Variants in ANLN observed in about 807,000 individuals in gnomAD.
ANLN encodes the protein anillin.
A neutral mutation model predicts 135.1 loss-of-function variants in ANLN; 59 were observed. The ratio of observed to expected loss-of-function variants is 0.44; its 90% CI spans 0.35 to 0.54. The LOEUF is 0.54. ANLN is among the 20% of genes least tolerant of loss of function. The pLI is 0.00. For synonymous variants in ANLN, 406 were observed against 456.4 expected, an observed-to-expected ratio of 0.89 and a Z score of 1.41; for missense variants, 1,182 against 1,340.0, an observed-to-expected ratio of 0.88 and a Z score of 1.84.
intron 10 of ANLN, among the ~76,000 whole-genome samples, chr7:36,419,692 C>T (rs1355164737): frequency 1.3e-5 from 2 of 152,124 alleles, no homozygotes; most frequent in African/African-American, 4.8e-5. Context: ...GCTTAAAAGG[C>T]CAGGCATTTG....
intron 20 of ANLN, among the ~76,000 whole-genome samples, chr7:36,433,023 C>G (rs1265792644): frequency 6.6e-6 from 1 of 152,082 alleles, no homozygotes; most frequent in Non-Finnish European, 1.5e-5. Context: ...GCTATGTTTT[C>G]CAGGCTGGCC....
At chr7:36,449,971 C>T (rs533828944) in intron 23 of ANLN, 134 bp downstream of exon 23, 7 of 719,166 alleles carry the variant, frequency 9.7e-6, no homozygotes, top group Non-Finnish European at 1.5e-5. Context: ...ACAAAACACA[C>T]ACAAAGCAGT....
At chr7:36,440,328 T>C (rs1023135181) in intron 21 of ANLN, among the ~76,000 whole-genome samples, 1 of 152,022 alleles carries the variant, frequency 6.6e-6, no homozygotes, top group African/African-American at 2.4e-5. Flanking sequence ...GAAGAGAACA[T>C]TGAAAGGAGG....
chr7:36,431,613 A>G (rs1451549584), intron 20 of ANLN, among the ~76,000 whole-genome samples: 27 of 37,686 alleles, frequency 7.2e-4, no homozygotes, highest in African/African-American at 1.8e-3. Context: ...ATATATATAT[A>G]TATAATATAT....
intron 20 of ANLN, among the ~76,000 whole-genome samples, chr7:36,429,189 GAATATAAT>G (rs1788212404): frequency 6.6e-6 from 1 of 151,850 alleles, no homozygotes; most frequent in South Asian, 2.1e-4. Context: ...AAATTATACT[GAATATAAT>G]AATATATTTT....
chr7:36,414,844 G>T (rs933785021), intron 7 of ANLN, among the ~76,000 whole-genome samples: 1 of 152,170 alleles, frequency 6.6e-6, no homozygotes, highest in Non-Finnish European at 1.5e-5. Flanking sequence ...TTGTATACTG[G>T]CTCTGCCAGT....
Position 36,389,971 on chromosome 7 carries a change from C to G in ANLN, c.-56C>G. 6.2e-7 allele frequency: 1 copy of G among 1,614,082 alleles called. No homozygotes were observed. Among genetic ancestry groups the G allele is most frequent in the South Asian group, 1.1e-5 (1 of 91,088 alleles). On this transcript the variant is annotated 5_prime_UTR_variant, in exon 1 of 24. Transcript: ENST00000265748. ...ACACACTGAGCTGAGACTCACTTTT[C>G]TCTTCCTGAATTTGAACCACCGTTT...
chr7:36,450,485 G>A (rs1017599938), intron 23 of ANLN, among the ~76,000 whole-genome samples: 2 of 152,136 alleles, frequency 1.3e-5, no homozygotes, highest in Non-Finnish European at 2.9e-5. Context: ...TATTGCAGAT[G>A]GGGGGAGATT....
chr7:36,421,041 T>G (rs997710611), intron 12 of ANLN, among the ~76,000 whole-genome samples: 1 of 152,118 alleles, frequency 6.6e-6, no homozygotes, highest in Non-Finnish European at 1.5e-5. Context: ...AAATTTGTTA[T>G]GCTCTTCAAG....
chr7:36,444,161 G>T (rs534777467), intron 22 of ANLN, among the ~76,000 whole-genome samples: 1 of 152,188 alleles, frequency 6.6e-6, no homozygotes, highest in South Asian at 2.1e-4. Context: ...GTGGTGGCAG[G>T]TGCCTGTAAT....
At chr7:36,445,685 AG>A (rs1408497316) in intron 22 of ANLN, among the ~76,000 whole-genome samples, 3 of 152,226 alleles carry the variant, frequency 2.0e-5, no homozygotes, top group Non-Finnish European at 4.4e-5. Context: ...GCCCACATGC[AG>A]GAAGATTTAG....
intron 22 of ANLN, chr7:36,448,925 T>G (rs1215236150): frequency 6.6e-6 from 1 of 152,226 alleles, no homozygotes; most frequent in Non-Finnish European, 1.5e-5. Context: ...CTACGAGTAA[T>G]AGATCATATT....
At position 36,443,922 on chromosome 7, in the gene ANLN, T is replaced by G; in HGVS notation, c.3078+60T>G. ...CTGATTGACTTTCGTGTAGTGTTCA[T>G]GCAAATGTTCCCTCTGGCCCCCATC... On this transcript the variant is annotated intron_variant, in intron 22 of 23. Transcript: ENST00000265748. 7 of 1,182,752 alleles carry G rather than the reference T, an allele frequency of 5.9e-6. No individual in the cohort carries two copies. The South Asian group carries it at 9.8e-5, about 17-fold the overall frequency. The allele number at this position is 1,182,752 out of a possible 1,614,324, so 73.3% of individuals were successfully genotyped here.
At chr7:36,422,364 C>G (rs1382260930) in intron 13 of ANLN, among the ~76,000 whole-genome samples, 21 of 151,494 alleles carry the variant, frequency 1.4e-4, no homozygotes, top group Admixed American at 1.4e-3. Flanking sequence ...TTGCTGTGTG[C>G]GTATATGTGG....
At chr7:36,428,666 C>T (rs1323107163) in intron 20 of ANLN, among the ~76,000 whole-genome samples, 2 of 151,290 alleles carry the variant, frequency 1.3e-5, no homozygotes, top group East Asian at 3.9e-4. Flanking sequence ...ATTGATTTTT[C>T]TAGGTACAAT....
intron 1 of ANLN, among the ~76,000 whole-genome samples, chr7:36,395,338 G>C (rs553032966): frequency 6.6e-6 from 1 of 152,162 alleles, no homozygotes; most frequent in South Asian, 2.1e-4. Context: ...TGTATTTCTT[G>C]GCTTGTCCTG....
In ANLN at chr7:36,430,719, T is replaced by TA. The variant is rs1583639431; in HGVS notation, c.2883+3692dup. On this transcript the variant is annotated intron_variant, in intron 20 of 23. Transcript: ENST00000265748. ...CTGGTATGCCCTGAACTATCCAGTT[T>TA]ATACCTGTTGGCCTTGTGTAATTAT... Among the ~76,000 whole-genome samples the TA allele has an allele frequency of 2.0e-5, 3 of 152,352 alleles. 1 individual carries two copies. Among genetic ancestry groups the TA allele is most frequent in the African/African-American group, 7.2e-5 (3 of 41,582 alleles).
At chr7:36,393,239 G>T (rs1206780607) in intron 1 of ANLN, among the ~76,000 whole-genome samples, 1 of 152,066 alleles carries the variant, frequency 6.6e-6, no homozygotes, top group Admixed American at 6.5e-5. Flanking sequence ...TGCCAAGCTG[G>T]TCTCAAATTC....
At chr7:36,390,099 C>A (rs776462151) in intron 1 of ANLN, 55 bp downstream of exon 1, 8 of 1,611,766 alleles carry the variant, frequency 5.0e-6, no homozygotes, top group Non-Finnish European at 6.8e-6. Context: ...GGCCCCCACC[C>A]ACCTTCCTCT....
Sources: gnomAD v4.1 joint callset for allele counts (sites outside exome capture counted in the v4.1 genomes callset) on GRCh38, gnomAD v4.1.1 for gene constraint, MANE v1.5 for transcripts, NCBI Gene and HGNC (gene_info 2026-07-23, HGNC 2026-07-21) for gene names.